The following DIP2C variants were observed in gnomAD, a reference collection of about 807,000 sequenced individuals.
The protein encoded by DIP2C is DIP2 acetate--CoA ligase C (putative).
A neutral mutation model predicts 192.4 loss-of-function variants in DIP2C; 33 were observed. The ratio of observed to expected loss-of-function variants is 0.17; its 90% CI spans 0.13 to 0.23. The LOEUF is 0.23. DIP2C is among the 10% of genes least tolerant of loss of function. The pLI is 1.00. For missense variants in DIP2C, 1,537 were observed against 2,110.1 expected, an observed-to-expected ratio of 0.73 and a Z score of 5.32; for synonymous variants, 979 against 864.1, an observed-to-expected ratio of 1.13 and a Z score of -2.33.
chr10:399,023 C>T (rs1433361029), intron 10 of DIP2C, 86 bp downstream of exon 10: 73 of 1,168,190 alleles, frequency 6.2e-5, no homozygotes, highest in Non-Finnish European at 7.8e-5. Context: ...CCAGAAACAG[C>T]GAGGAGACCC....
intron 1 of DIP2C, among the ~76,000 whole-genome samples, chr10:672,215 G>A (rs1037927872): frequency 6.6e-6 from 1 of 150,982 alleles, no homozygotes; most frequent in African/African-American, 2.4e-5. Flanking sequence ...CACCACCGAC[G>A]CAGGGACGGA....
Position 358,529 on chromosome 10 carries a change from C to CTGTCATAAAGTCAAGCGA in DIP2C, c.2795-593_2795-592insTCGCTTGACTTTATGACA, listed in dbSNP as rs368843062. The stretch of plus-strand genomic sequence containing the variant: ...GAGGTGTGGAAGAATAAACCAAGGG[C>CTGTCATAAAGTCAAGCGA]TGTCATAAAGTCATCGCTTATCCAT... On this transcript the variant is annotated intron_variant, in intron 22 of 36. Coordinates refer to ENST00000280886, the MANE Select transcript of DIP2C (RefSeq NM_014974.3). 4.4e-3 allele frequency among the ~76,000 whole-genome samples: 556 copies of CTGTCATAAAGTCAAGCGA among 125,720 alleles called. 6 individuals carry two copies. The highest frequency in any genetic ancestry group is 0.015 in the Middle Eastern group (4 of 266). The allele number at this position is 125,720 out of a possible 152,430, so 82.5% of individuals were successfully genotyped here.
At chr10:318,682 T>C (rs1360236247) in intron 31 of DIP2C, among the ~76,000 whole-genome samples, 1 of 152,204 alleles carries the variant, frequency 6.6e-6, no homozygotes, top group Non-Finnish European at 1.5e-5. Context: ...ATCCCCAGCG[T>C]GGCTGGGATG....
intron 14 of DIP2C, among the ~76,000 whole-genome samples, chr10:385,791 C>T (rs990734717): frequency 2.6e-5 from 4 of 151,962 alleles, no homozygotes; most frequent in African/African-American, 4.8e-5. Context: ...TTGTAGGCTA[C>T]GGGGTGGGGG....
chr10:503,876 C>A (rs965351532), intron 1 of DIP2C, among the ~76,000 whole-genome samples: 1 of 152,188 alleles, frequency 6.6e-6, no homozygotes, highest in Non-Finnish European at 1.5e-5. Flanking sequence ...TTGTCTAAAC[C>A]CATTACTGTG....
intron 31 of DIP2C, among the ~76,000 whole-genome samples, chr10:310,866 C>T (rs1240663718): frequency 6.6e-6 from 1 of 152,114 alleles, no homozygotes; most frequent in Non-Finnish European, 1.5e-5. Context: ...GAAGGCAGTA[C>T]AATACCTTGG....
At chr10:580,811 A>C (rs969883610) in intron 1 of DIP2C, among the ~76,000 whole-genome samples, 2 of 152,188 alleles carry the variant, frequency 1.3e-5, no homozygotes, top group Non-Finnish European at 2.9e-5. Context: ...CTAGTGACAA[A>C]AACACAGTGA....
intron 2 of DIP2C, among the ~76,000 whole-genome samples, chr10:482,633 TAAG>T (rs1404169956): frequency 2.0e-5 from 3 of 152,036 alleles, no homozygotes; most frequent in South Asian, 2.1e-4. Context: ...GACAAACACA[TAAG>T]AAGTTGCTGT....
intron 1 of DIP2C, among the ~76,000 whole-genome samples, chr10:575,645 C>CA (rs1349618229): frequency 6.6e-6 from 1 of 152,164 alleles, no homozygotes; most frequent in Non-Finnish European, 1.5e-5. Context: ...ACATGACATC[C>CA]AAGAGCAGAA....
rs113385587 is a variant in DIP2C at position 527,247 on chromosome 10, A to T, written c.86-40717T>A. Among the ~76,000 whole-genome samples the T allele has an allele frequency of 3.5e-3, 530 of 152,112 alleles. 3 individuals carry two copies. Among genetic ancestry groups the T allele is most frequent in the African/African-American group, 0.012 (492 of 41,492 alleles). On this transcript the variant is annotated intron_variant, in intron 1 of 36. Coordinates refer to ENST00000280886, the MANE Select transcript of DIP2C (RefSeq NM_014974.3). ...TCTCTGCATCTAGCTCCTCTCCCTC[A>T]CAAAACAGCACCTCTGAAGTCATGG...
At chr10:400,671 G>T (rs987490698) in intron 9 of DIP2C, among the ~76,000 whole-genome samples, 5 of 151,374 alleles carry the variant, frequency 3.3e-5, no homozygotes, top group Non-Finnish European at 7.4e-5. Flanking sequence ...CTTCCTTATG[G>T]ACAAGTTTGG....
intron 5 of DIP2C, among the ~76,000 whole-genome samples, chr10:421,898 G>T (rs1019863635): frequency 1.3e-5 from 2 of 152,188 alleles, no homozygotes; most frequent in African/African-American, 4.8e-5. Flanking sequence ...GTCTCAGTGA[G>T]CGACCAAGGG....
rs778150029 is a variant in DIP2C at position 651,474 on chromosome 10, A to G, written c.85+38020T>C. 77 of 629,078 alleles carry G rather than the reference A, an allele frequency of 1.2e-4. No individual in the cohort carries two copies. The highest frequency in any genetic ancestry group is 1.7e-4 in the Non-Finnish European group (60 of 343,530). 39.0% of individuals were successfully genotyped at this position (629,078 alleles called of 1,614,324 possible). A position where few individuals can be genotyped will look rare whatever the true frequency, so the allele number is the denominator to read the frequency against. On this transcript the variant is annotated intron_variant, in intron 1 of 36. Transcript: ENST00000280886. The surrounding 1 kb of genome is among the most constrained non-coding windows in gnomAD (Gnocchi z 4.1). ...AGCAGAAGACTTAGTAGAATGTATG[A>G]GTAACAATTACAATTATATGAAAAT...
chr10:393,506 G>A (rs544551722), intron 10 of DIP2C, among the ~76,000 whole-genome samples: 4 of 152,198 alleles, frequency 2.6e-5, no homozygotes, highest in Admixed American at 1.3e-4. Flanking sequence ...AGCCAGGCGC[G>A]ATGGCTCAGG....
intron 1 of DIP2C, among the ~76,000 whole-genome samples, chr10:597,985 G>A (rs977438889): frequency 6.6e-6 from 1 of 152,178 alleles, no homozygotes; most frequent in Non-Finnish European, 1.5e-5. Flanking sequence ...CCTGGACTCT[G>A]GGGCTGACGT....
chr10:602,647 G>C lies in DIP2C; in HGVS notation c.85+86847C>G, dbSNP rs145255742. Among the ~76,000 whole-genome samples, 926 of 152,290 alleles carry C rather than the reference G, an allele frequency of 6.1e-3. 32 individuals are homozygous for C. Among genetic ancestry groups the C allele is most frequent in the Admixed American group, 0.054 (823 of 15,290 alleles). ...GACTTCCCAGCCTCCAGAGCTGTGAGCTACAGATCACCCAATCTACAGCAG... is the reference window on the plus strand; with the variant it reads ...GACTTCCCAGCCTCCAGAGCTGTGACCTACAGATCACCCAATCTACAGCAG... On this transcript the variant is annotated intron_variant, in intron 1 of 36. Transcript: ENST00000280886.
intron 1 of DIP2C, among the ~76,000 whole-genome samples, chr10:678,143 C>T (rs1830937308): frequency 6.6e-6 from 1 of 152,184 alleles, no homozygotes; most frequent in African/African-American, 2.4e-5. Context: ...AAAGTCCCAG[C>T]AGACATTTGG....
intron 1 of DIP2C, among the ~76,000 whole-genome samples, chr10:506,764 G>A (rs376119200): frequency 1.3e-5 from 2 of 152,234 alleles, no homozygotes; most frequent in South Asian, 4.1e-4. Context: ...GAGGGGCTTA[G>A]CGAGCCACGC....
intron 31 of DIP2C, among the ~76,000 whole-genome samples, chr10:319,525 ATATCTC>A (rs1033384818): frequency 1.4e-4 from 21 of 152,328 alleles, no homozygotes; most frequent in African/African-American, 4.8e-4. Context: ...ACAGTGAACA[ATATCTC>A]TAAATCTAAT....
Sources: gnomAD v4.1 joint callset for allele counts (sites outside exome capture counted in the v4.1 genomes callset) on GRCh38, gnomAD v4.1.1 for gene constraint, Gnocchi (gnomAD v3.1) non-coding constraint, MANE v1.5 for transcripts, NCBI Gene and HGNC (gene_info 2026-07-23, HGNC 2026-07-21) for gene names.